TUT1: variants seen among roughly 807,000 people sequenced by gnomAD.
TUT1 encodes speckle targeted PIP5K1A-regulated poly(A) polymerase.
Under a neutral mutation model 48.8 loss-of-function variants are expected in TUT1, and 26 were observed. The ratio of observed to expected loss-of-function variants is 0.53; its 90% confidence interval spans 0.39 to 0.74. The LOEUF is 0.74. Ranked by LOEUF, TUT1 falls within the 30% of genes least tolerant of loss-of-function variation. The pLI is 0.00. For synonymous variants in TUT1, 470 were observed against 460.8 expected (o/e 1.02, Z -0.26); for missense variants, 1,065 against 1,114.8 (o/e 0.96, Z 0.64).
chr11:62,579,992 A>G (rs1419993219), intron 4 of TUT1, among the ~76,000 whole-genome samples: 1 of 152,090 alleles, frequency 6.6e-6, no homozygotes, highest in Non-Finnish European at 1.5e-5. Flanking sequence ...AAATAATAAT[A>G]GGCTGGGCAT....
At chr11:62,580,112 GTAA>G (rs762801176) in intron 4 of TUT1, among the ~76,000 whole-genome samples, 6 of 152,098 alleles carry the variant, frequency 3.9e-5, no homozygotes, top group African/African-American at 7.2e-5. Flanking sequence ...CTATTTCTAA[GTAA>G]TAATAATAAT....
At position 62,591,059 on chromosome 11, in the gene TUT1, T is replaced by C. The variant is rs72927216; in HGVS notation, c.82+345A>G. ...GAACATATCTATAAAGCATTGAAAC[T>C]TTCTCATTCTCTAGACGGTGAGCTC... On this transcript the variant is annotated intron_variant, in intron 1 of 8. Coordinates refer to ENST00000476907, the MANE Select transcript of TUT1 (RefSeq NM_022830.3). 7.4e-3 allele frequency among the ~76,000 whole-genome samples: 1,134 copies of C among 152,262 alleles called. 6 individuals are homozygous for C. Among genetic ancestry groups the C allele is most frequent in the Middle Eastern group, 0.027 (8 of 292 alleles).
chr11:62,581,601 G>C lies in TUT1; in HGVS notation c.374C>G (p.Pro125Arg), dbSNP rs200890357. 513 of 1,599,570 alleles carry C rather than the reference G, an allele frequency of 3.2e-4. 2 individuals carry two copies. In the South Asian group the frequency reaches 3.7e-3, roughly 12 times the overall value. Residue 125 changes from proline (P) to arginine (R), a missense_variant, in exon 3 of 9, where the codon CCA (proline) becomes CGA (arginine). Physicochemically the swap from Pro to Arg is moderately radical, Grantham distance 103. Coordinates refer to ENST00000476907, the MANE Select transcript of TUT1 (RefSeq NM_022830.3). ...SLGGHRLRVRPREQKEFQSPA... is the reference protein window; with the variant it reads ...SLGGHRLRVRRREQKEFQSPA... ...GCTCTGGAACTCCTTCTGCTCCCGT[G>C]GGCGGACACGCAGGCGATGTCCTCC... is the stretch of plus-strand genomic sequence containing the variant.
At chr11:62,587,240 G>C (rs1941933511) in intron 2 of TUT1, among the ~76,000 whole-genome samples, 1 of 152,200 alleles carries the variant, frequency 6.6e-6, no homozygotes, top group African/African-American at 2.4e-5. Context: ...GGAATGCAAT[G>C]GCGCGATGTC....
intron 6 of TUT1, 48 bp downstream of exon 6, chr11:62,577,134 T>C (rs1941742495): frequency 6.3e-7 from 1 of 1,599,132 alleles, no homozygotes; most frequent in East Asian, 2.2e-5. Context: ...ATCCCTGCCT[T>C]TGTCCTGAGA....
In TUT1 at chr11:62,577,199, T is replaced by G. The variant is rs568398392; in HGVS notation, c.1253A>C (p.Gln418Pro). ...ATTCTCACCTGACAGCCCCCGACCCTGAGCCCAGCAGCGGAGGGTGTACAC... is the reference window on the plus strand; with the variant it reads ...ATTCTCACCTGACAGCCCCCGACCCGGAGCCCAGCAGCGGAGGGTGTACAC... ...PLVYTLRCWA[Q>P]GRGLSGSGPL... is the part of the protein sequence containing the mutation. The change falls in exon 6 of 9, where the codon CAG (glutamine) becomes CCG (proline). Residue 418 changes from glutamine to proline, a missense_variant. Transcript: ENST00000476907. 6.2e-7 allele frequency: 1 copy of G among 1,609,666 alleles called. No individual in the cohort carries two copies. Among genetic ancestry groups the G allele is most frequent in the East Asian group, 2.2e-5 (1 of 44,862 alleles).
At chr11:62,578,063 C>CAAAAA (rs200086998) in intron 5 of TUT1, among the ~76,000 whole-genome samples, 8 of 107,116 alleles carry the variant, frequency 7.5e-5, no homozygotes, top group African/African-American at 1.5e-4. Flanking sequence ...CTCCGTCTCA[C>CAAAAA]AAAAAAAAAA....
At chr11:62,577,321 C>T (rs780913034) in intron 5 of TUT1, 30 bp from the exon 6 acceptor site, 6 of 1,573,576 alleles carry the variant, frequency 3.8e-6, no homozygotes, top group South Asian at 3.4e-5. Flanking sequence ...AGGGTGTTAG[C>T]GCTTGGGGAT....
At position 62,575,437 on chromosome 11, in the gene TUT1, G is replaced by A; in HGVS notation, c.2282C>T (p.Pro761Leu). ...GGCACAGCGCCAGCTCGCTGAGGAG[G>A]GCAGGGATGCCCCCTTCCCTGCCTC... ...QGEAGKGASL[P>L]SSASWRCALW... The change falls in exon 9 of 9, where the codon CCC becomes CTC. Residue 761 changes from proline (P) to leucine (L), a missense_variant. Physicochemically the swap from Pro to Leu is moderately conservative, Grantham distance 98. Coordinates refer to ENST00000476907, the MANE Select transcript of TUT1 (RefSeq NM_022830.3). The A allele has an allele frequency of 6.2e-7, 1 of 1,611,262 alleles. No individual in the cohort carries two copies. The highest frequency in any genetic ancestry group is 2.2e-5 in the East Asian group (1 of 44,878).
In TUT1 at chr11:62,578,063, CAAAAAAAA is replaced by C. The variant is rs200086998; in HGVS notation, c.1160+490_1160+497del. On this transcript the variant is annotated intron_variant, in intron 5 of 8. Transcript: ENST00000476907. ...GCAACAAGAGTAAATCTCCGTCTCA[CAAAAAAAA>C]AAAAAAAAAAAAAAAAGTAGTATTC... Among the ~76,000 whole-genome samples the C allele has an allele frequency of 5.5e-3, 585 of 107,052 alleles. 2 individuals carry two copies. Among genetic ancestry groups the C allele is most frequent in the South Asian group, 0.049 (173 of 3,548 alleles). 70.2% of individuals were successfully genotyped at this position (107,052 alleles called of 152,430 possible).
intron 1 of TUT1, 71 bp from the exon 2 acceptor site, chr11:62,589,292 C>T: frequency 1.4e-6 from 2 of 1,455,126 alleles, no homozygotes; most frequent in Non-Finnish European, 1.9e-6. Context: ...TCTCTGCATA[C>T]CTAAATCTTA....
rs1238761611 is a variant in TUT1, at chr11:62,575,255, CTT to C, written c.2462_2463del (p.Glu821GlyfsTer6). 4 of 1,614,186 alleles carry C rather than the reference CTT, an allele frequency of 2.5e-6. No homozygotes were observed. The highest frequency in any genetic ancestry group is 1.3e-5 in the African/African-American group (1 of 75,046). Reference protein sequence around the residue: ...TQELKGLSGGEERPETEPLLS... With the variant: ...TQELKGLSGGXERPETEPLLS... ...AGCAGGGGCTCAGTTTCTGGCCTCT[CTT>C]CGCCACCACTCAGTCCTTTCAGCTC... On this transcript the variant is annotated frameshift_variant, in exon 9 of 9. Coordinates refer to ENST00000476907, the MANE Select transcript of TUT1 (RefSeq NM_022830.3). LOFTEE classifies it high-confidence loss of function.
At position 62,576,769 on chromosome 11, in the gene TUT1, G is replaced by T. The variant is rs755085889; in HGVS notation, c.1382-20C>A. 6.2e-7 allele frequency: 1 copy of T among 1,613,482 alleles called. No homozygotes were observed. Among genetic ancestry groups the T allele is most frequent in the South Asian group, 1.1e-5 (1 of 91,068 alleles). ...CCTCTCCTGTGAAAGTAAATAAGGT[G>T]AGAGTCAGTCTGGAAGCAAGGAGAT... On this transcript the variant is annotated intron_variant, in intron 7 of 8. Coordinates refer to ENST00000476907, the MANE Select transcript of TUT1 (RefSeq NM_022830.3).
chr11:62,576,856 G>T (rs777881665), intron 7 of TUT1, 51 bp downstream of exon 7: 4 of 1,598,710 alleles, frequency 2.5e-6, no homozygotes, highest in Non-Finnish European at 3.4e-6. Context: ...GTGTGATGAA[G>T]AAGAGAGAGG....
chr11:62,578,658 C>T lies in TUT1; in HGVS notation c.1063G>A (p.Val355Met), dbSNP rs745788534. ...GSILRGCVPG[V>M]YRVQTVPSAR... is the part of the protein sequence containing the mutation. ...GAGGGCACAGTTTGGACTCGATACA[C>T]CCCAGGGACACAGCCCCGGAGAATG... The change falls in exon 5 of 9, where the codon GTG (valine) becomes ATG (methionine). Residue 355 changes from valine (V) to methionine (M), a missense_variant. Physicochemically the swap from Val to Met is conservative, Grantham distance 21 (BLOSUM62 1). Transcript: ENST00000476907. The T allele has an allele frequency of 1.7e-5, 27 of 1,614,222 alleles. No individual in the cohort carries two copies. The highest frequency in any genetic ancestry group is 2.1e-5 in the Non-Finnish European group (25 of 1,180,040).
chr11:62,589,177 G>C lies in TUT1; in HGVS notation c.127C>G (p.Leu43Val). ...AHLGGRKHRH[L>V]VELRAARKAQ... ...TTTCTCGCAGCTCGTAGTTCTACCA[G>C]GTGCCGGTGCTTTCTGCCTCCCAAG... The change falls in exon 2 of 9, where the codon CTG becomes GTG. Residue 43 changes from leucine (L) to valine (V), a missense_variant. Leu to Val is a conservative substitution (Grantham distance 32). Coordinates refer to ENST00000476907, the MANE Select transcript of TUT1 (RefSeq NM_022830.3). 6.2e-7 allele frequency: 1 copy of C among 1,614,216 alleles called. No homozygotes were observed. Among genetic ancestry groups the C allele is most frequent in the Admixed American group, 1.7e-5 (1 of 60,028 alleles).
At chr11:62,576,352 G>A in intron 8 of TUT1, 108 bp from the exon 9 acceptor site, 1 of 1,322,812 alleles carries the variant, frequency 7.6e-7, no homozygotes, top group Non-Finnish European at 1.0e-6. Context: ...CTTCCAAGGG[G>A]CTCAGCAGAG....
chr11:62,579,049 T>G lies in TUT1; in HGVS notation c.691-19A>C. On this transcript the variant is annotated intron_variant, in intron 4 of 8. Transcript: ENST00000476907. ...GGACTGGCTGTGGACAGAAATGAAC[T>G]GAGTGAAATGTTTCTGCTGTTCCCT... The G allele has an allele frequency of 6.8e-7, 1 of 1,479,770 alleles. No homozygotes were observed. 91.7% of individuals were successfully genotyped at this position (1,479,770 alleles called of 1,614,324 possible).
intron 4 of TUT1, among the ~76,000 whole-genome samples, chr11:62,579,885 C>CA (rs879658624): frequency 4.9e-5 from 6 of 123,284 alleles, no homozygotes; most frequent in Non-Finnish European, 8.4e-5. Flanking sequence ...AGGCTGGTCT[C>CA]AAACTCCTGA....
Sources: gnomAD v4.1 joint callset for allele counts (sites outside exome capture counted in the v4.1 genomes callset) on GRCh38, gnomAD v4.1.1 for gene constraint, MANE v1.5 for transcripts, NCBI Gene and HGNC (gene_info 2026-07-23, HGNC 2026-07-21) for gene names.